Variants in MTCL2 observed in about 807,000 individuals in gnomAD.
MTCL2 encodes microtubule cross-linking factor 2.
At chr20:36,837,849 T>C in the MTCL2 span, among the ~76,000 whole-genome samples, 1 of 152,138 alleles carries the variant, frequency 6.6e-6, no homozygotes, top group Non-Finnish European at 1.5e-5. Context: ...AGTGCTGGGA[T>C]TACAGGCATG....
the MTCL2 span, among the ~76,000 whole-genome samples, chr20:36,807,847 A>C: frequency 6.7e-6 from 1 of 148,656 alleles, no homozygotes; most frequent in Non-Finnish European, 1.5e-5. Context: ...CAGCCTGGCC[A>C]ACATGGAGAA....
At chr20:36,853,312 G>A in the MTCL2 span, among the ~76,000 whole-genome samples, 5 of 152,152 alleles carry the variant, frequency 3.3e-5, no homozygotes, top group East Asian at 1.9e-4. Context: ...ACTGCAGCCC[G>A]AGCAATCCCC....
chr20:36,793,702 C>T, the MTCL2 span: 2 of 1,547,778 alleles, frequency 1.3e-6, no homozygotes, highest in Non-Finnish European at 1.7e-6. The surrounding 1 kb of genome is among the most constrained non-coding windows in gnomAD (Gnocchi z 6.8). Context: ...GCAGGTTCCA[C>T]AGGCTGCGGT....
At chr20:36,791,659 G>A in the MTCL2 span, among the ~76,000 whole-genome samples, 1 of 152,180 alleles carries the variant, frequency 6.6e-6, no homozygotes, top group East Asian at 1.9e-4. Flanking sequence ...TGTGGAATTG[G>A]GAGACAGGGA....
At chr20:36,811,780 C>A in the MTCL2 span, among the ~76,000 whole-genome samples, 5 of 152,178 alleles carry the variant, frequency 3.3e-5, no homozygotes, top group Non-Finnish European at 7.3e-5. Flanking sequence ...TTCTCCTTCC[C>A]ACATAGTCAT....
chr20:36,845,024 A>AAG, the MTCL2 span, among the ~76,000 whole-genome samples: 42 of 149,926 alleles, frequency 2.8e-4, no homozygotes, highest in Middle Eastern at 3.4e-3. Flanking sequence ...AAAAAAAAAA[A>AAG]AAGAAGAAGA....
chr20:36,777,748 G>GA, the MTCL2 span: 3 of 582,516 alleles, frequency 5.2e-6, no homozygotes, highest in African/African-American at 2.0e-5. Context: ...CCCTCACCAG[G>GA]AAACCAGGCT....
At chr20:36,797,494 C>A in the MTCL2 span, 11 of 1,552,968 alleles carry the variant, frequency 7.1e-6, no homozygotes, top group South Asian at 1.1e-4. Context: ...AGCAGCCGCC[C>A]CACTCACCTC....
chr20:36,836,341 ATTTTTTTT>A, the MTCL2 span, among the ~76,000 whole-genome samples: 6 of 85,408 alleles, frequency 7.0e-5, no homozygotes, highest in African/African-American at 2.1e-4. Context: ...CGCCCAGCTA[ATTTTTTTT>A]TTTTTTTTTT....
chr20:36,784,979 G>C, the MTCL2 span: 1 of 985,470 alleles, frequency 1.0e-6, no homozygotes. Flanking sequence ...ATCCACGTTC[G>C]ACTCATGAAG....
At chr20:36,849,187 G>A in the MTCL2 span, among the ~76,000 whole-genome samples, 2 of 147,066 alleles carry the variant, frequency 1.4e-5, no homozygotes, top group Non-Finnish European at 3.0e-5. Flanking sequence ...TCAGCCTCCC[G>A]AGTAGCTGGG....
the MTCL2 span, among the ~76,000 whole-genome samples, chr20:36,819,073 CA>C: frequency 6.6e-6 from 1 of 152,144 alleles, no homozygotes; most frequent in Non-Finnish European, 1.5e-5. Flanking sequence ...TATAGAGAAA[CA>C]AAAAGGTTCA....
chr20:36,821,982 C>T, the MTCL2 span, among the ~76,000 whole-genome samples: 9 of 152,252 alleles, frequency 5.9e-5, no homozygotes, highest in African/African-American at 1.4e-4. Context: ...TGTGAATGAG[C>T]TGAGTGGCTT....
chr20:36,812,581 C>G, the MTCL2 span: 1 of 1,304,804 alleles, frequency 7.7e-7, no homozygotes, highest in Non-Finnish European at 1.0e-6. Flanking sequence ...AAGCCTGGAA[C>G]CAAATGGAAT....
the MTCL2 span, among the ~76,000 whole-genome samples, chr20:36,806,350 G>A: frequency 6.6e-6 from 1 of 152,134 alleles, no homozygotes; most frequent in African/African-American, 2.4e-5. Flanking sequence ...ACAAAAGGGA[G>A]CGAGTCACCT....
At chr20:36,856,577 C>T in the MTCL2 span, among the ~76,000 whole-genome samples, 4 of 152,258 alleles carry the variant, frequency 2.6e-5, no homozygotes, top group Non-Finnish European at 5.9e-5. Context: ...AGGAGCTGGG[C>T]ATCAGGGACC....
the MTCL2 span, chr20:36,839,356 C>T: frequency 1.9e-6 from 3 of 1,612,976 alleles, no homozygotes; most frequent in Non-Finnish European, 2.5e-6. This position sits in a 1 kb window ranked among gnomAD's most constrained non-coding sequence, Gnocchi z 5.1. Context: ...CAGCTGCTGT[C>T]GCAGCTCCTG....
At chr20:36,822,937 T>C in the MTCL2 span, among the ~76,000 whole-genome samples, 1 of 152,182 alleles carries the variant, frequency 6.6e-6, no homozygotes, top group Non-Finnish European at 1.5e-5. Flanking sequence ...TTTTGTATTT[T>C]TTGTAGAAAT....
the MTCL2 span, chr20:36,839,186 C>A: frequency 6.4e-7 from 1 of 1,569,082 alleles, no homozygotes; most frequent in South Asian, 1.1e-5. This position sits in a 1 kb window ranked among gnomAD's most constrained non-coding sequence, Gnocchi z 5.1. Context: ...GGTCCCATCC[C>A]AGCAACAAGG....
Sources: allele counts gnomAD v4.1 joint callset (sites outside exome capture counted in the v4.1 genomes callset), GRCh38; gene constraint gnomAD v4.1.1; non-coding constraint Gnocchi (gnomAD v3.1); transcripts MANE v1.5; gene names NCBI Gene and HGNC (gene_info 2026-07-23, HGNC 2026-07-21).